The following TMEM178B variants were observed in gnomAD, a reference collection of about 807,000 sequenced individuals.
TMEM178B encodes transmembrane protein 178B.
In TMEM178B, 5 loss-of-function variants were observed where a neutral mutation model predicts 31.0. The observed-to-expected ratio is 0.16, with a 90% confidence interval of 0.08 to 0.34. TMEM178B has a LOEUF of 0.34. TMEM178B is among the 10% of genes least tolerant of loss of function. TMEM178B has a pLI of 1.00. For missense variants in TMEM178B, 275 were observed against 400.3 expected, an observed-to-expected ratio of 0.69 and a Z score of 2.67; for synonymous variants, 164 against 164.0, an observed-to-expected ratio of 1.00 and a Z score of 0.00.
chr7:141,159,159 A>C (rs543370597), intron 1 of TMEM178B, among the ~76,000 whole-genome samples: 1 of 151,902 alleles, frequency 6.6e-6, no homozygotes, highest in South Asian at 2.1e-4. Flanking sequence ...ACATCTCCTC[A>C]TCTCCTCTTT....
chr7:141,276,802 A>T (rs1798273803), intron 2 of TMEM178B, among the ~76,000 whole-genome samples: 1 of 152,242 alleles, frequency 6.6e-6, no homozygotes, highest in Non-Finnish European at 1.5e-5. Context: ...CACCTAGGCT[A>T]TACAGCATAG....
chr7:141,142,574 A>AT (rs529718669), intron 1 of TMEM178B, among the ~76,000 whole-genome samples: 54 of 151,852 alleles, frequency 3.6e-4, no homozygotes, highest in African/African-American at 1.2e-3. Flanking sequence ...TGCCTAGCTA[A>AT]TTTTTTGTAT....
rs762012250 is a variant in TMEM178B, at chr7:141,223,231, C to T, written c.496+10527C>T. On this transcript the variant is annotated intron_variant, in intron 2 of 3. Coordinates refer to ENST00000565468, the MANE Select transcript of TMEM178B (RefSeq NM_001195278.2). ...GGGCCCAACAATAGGATAAGAGCTGCGGTTAGGGTGGAGGGGAGGCCATAG... is the reference window on the plus strand; with the variant it reads ...GGGCCCAACAATAGGATAAGAGCTGTGGTTAGGGTGGAGGGGAGGCCATAG... Among the ~76,000 whole-genome samples, 15 of 152,038 alleles carry T rather than the reference C, an allele frequency of 9.9e-5. No homozygotes were observed. The South Asian group carries it at 1.0e-3, about 11-fold the overall frequency.
At position 141,091,727 on chromosome 7, in the gene TMEM178B, T is replaced by G. The variant is rs545588921; in HGVS notation, c.382+17035T>G. Among the ~76,000 whole-genome samples, 11 of 152,290 alleles carry G rather than the reference T, an allele frequency of 7.2e-5. No individual in the cohort carries two copies. In the South Asian group the frequency reaches 2.3e-3, roughly 32 times the overall value. On this transcript the variant is annotated intron_variant, in intron 1 of 3. Coordinates refer to ENST00000565468, the MANE Select transcript of TMEM178B (RefSeq NM_001195278.2). ...CCTTTCAAGGTGATGAGTCCTAGAA[T>G]GTACTTTGTTAATTTTTAGAGACGG...
chr7:141,239,379 C>T (rs1389535482), intron 2 of TMEM178B, among the ~76,000 whole-genome samples: 3 of 152,126 alleles, frequency 2.0e-5, no homozygotes, highest in Non-Finnish European at 4.4e-5. Flanking sequence ...TTGCAGCAAA[C>T]GTCTCAGTCA....
At chr7:141,102,786 G>C (rs1795080259) in intron 1 of TMEM178B, among the ~76,000 whole-genome samples, 2 of 152,172 alleles carry the variant, frequency 1.3e-5, no homozygotes, top group South Asian at 4.1e-4. Flanking sequence ...TATTTGCACA[G>C]TGTTTTTGAA....
intron 2 of TMEM178B, among the ~76,000 whole-genome samples, chr7:141,284,168 G>C (rs1798407953): frequency 6.6e-6 from 1 of 152,210 alleles, no homozygotes. Flanking sequence ...GCAGTGAGTA[G>C]AGCTTAGCTG....
intron 2 of TMEM178B, among the ~76,000 whole-genome samples, chr7:141,296,644 G>A (rs1798639509): frequency 6.6e-6 from 1 of 152,098 alleles, no homozygotes; most frequent in Non-Finnish European, 1.5e-5. Flanking sequence ...CTTATTTTGA[G>A]ATAATTTTAG....
At position 141,419,914 on chromosome 7, in the gene TMEM178B, A is replaced by C. The variant is rs571741550; in HGVS notation, c.497-17694A>C. 1.5e-4 allele frequency among the ~76,000 whole-genome samples: 22 copies of C among 151,394 alleles called. No homozygotes were observed. In the South Asian group the frequency reaches 4.6e-3, roughly 32 times the overall value. Reference sequence around the variant, plus strand: ...TACGTGGCAAAAAAAACCATTACACAGGAGTATATAGAACATTTACTCTTT... The same window carrying C: ...TACGTGGCAAAAAAAACCATTACACCGGAGTATATAGAACATTTACTCTTT... On this transcript the variant is annotated intron_variant, in intron 2 of 3. Transcript: ENST00000565468.
chr7:141,169,951 T>G (rs187363585), intron 1 of TMEM178B, among the ~76,000 whole-genome samples: 1 of 152,366 alleles, frequency 6.6e-6, no homozygotes, highest in African/African-American at 2.4e-5. Flanking sequence ...TTCTTTTGCA[T>G]AAATTAAGAT....
intron 2 of TMEM178B, among the ~76,000 whole-genome samples, chr7:141,349,872 A>C (rs1159197595): frequency 1.3e-5 from 2 of 152,194 alleles, no homozygotes; most frequent in African/African-American, 4.8e-5. Flanking sequence ...TGGAGAAGGC[A>C]GCCCCCTCGT....
intron 2 of TMEM178B, among the ~76,000 whole-genome samples, chr7:141,257,938 T>G (rs1293207894): frequency 2.6e-5 from 4 of 151,792 alleles, no homozygotes; most frequent in African/African-American, 7.2e-5. Flanking sequence ...CCTTTTTTGT[T>G]TAGTTAAATA....
At chr7:141,323,940 G>C (rs1799142855) in intron 2 of TMEM178B, among the ~76,000 whole-genome samples, 1 of 152,084 alleles carries the variant, frequency 6.6e-6, no homozygotes, top group African/African-American at 2.4e-5. Context: ...ATACAGACAG[G>C]AGGAAACTAG....
At chr7:141,119,061 G>A (rs1329131719) in intron 1 of TMEM178B, among the ~76,000 whole-genome samples, 1 of 152,184 alleles carries the variant, frequency 6.6e-6, no homozygotes, top group African/African-American at 2.4e-5. Flanking sequence ...AACAAGGGAG[G>A]AGGAGGACTG....
intron 1 of TMEM178B, among the ~76,000 whole-genome samples, chr7:141,155,289 A>G (rs1796049908): frequency 6.6e-6 from 1 of 152,210 alleles, no homozygotes; most frequent in South Asian, 2.1e-4. Flanking sequence ...GATGCAGCCC[A>G]TGGGGCTCTT....
intron 1 of TMEM178B, among the ~76,000 whole-genome samples, chr7:141,116,862 CT>C (rs1795327827): frequency 6.6e-6 from 1 of 152,162 alleles, no homozygotes. Context: ...TTTTTTATGG[CT>C]GCATAGTATT....
At chr7:141,441,474 G>A (rs191156760) in intron 3 of TMEM178B, among the ~76,000 whole-genome samples, 1 of 152,154 alleles carries the variant, frequency 6.6e-6, no homozygotes, top group Non-Finnish European at 1.5e-5. Flanking sequence ...TTTCACCCAG[G>A]CTCAGGTTGC....
intron 1 of TMEM178B, among the ~76,000 whole-genome samples, chr7:141,181,288 C>T (rs1449279306): frequency 6.6e-6 from 1 of 152,210 alleles, no homozygotes; most frequent in African/African-American, 2.4e-5. Flanking sequence ...AAGTTCTTGA[C>T]ACTTTTGCTA....
chr7:141,210,567 G>T (rs1031918832), intron 1 of TMEM178B, among the ~76,000 whole-genome samples: 3 of 152,138 alleles, frequency 2.0e-5, no homozygotes, highest in African/African-American at 4.8e-5. Context: ...ATCAATAACA[G>T]AGTTTCCCAC....
Sources: allele counts gnomAD v4.1 joint callset (sites outside exome capture counted in the v4.1 genomes callset), GRCh38; gene constraint gnomAD v4.1.1; transcripts MANE v1.5; gene names NCBI Gene and HGNC (gene_info 2026-07-23, HGNC 2026-07-21).